Variants in PLD5 observed in about 807,000 individuals in gnomAD.
PLD5 encodes phospholipase D family member 5, also known as inactive phospholipase D5.
In PLD5, 36 loss-of-function variants were observed where a neutral mutation model predicts 61.1. The ratio of observed to expected loss-of-function variants is 0.59; its 90% CI spans 0.45 to 0.78. The LOEUF (loss-of-function observed/expected upper bound fraction) is 0.78, where lower values mean the gene tolerates loss of function less well. Among genes scored for constraint, PLD5 ranks in the 30% least tolerant of loss-of-function variants. The pLI is 0.00. For synonymous variants in PLD5, 243 were observed against 242.8 expected (o/e 1.00, Z -0.01); for missense variants, 515 against 644.4 (o/e 0.80, Z 2.17).
chr1:242,411,241 G>GTT (rs549437085), intron 1 of PLD5, among the ~76,000 whole-genome samples: 1 of 151,952 alleles, frequency 6.6e-6, no homozygotes, highest in Non-Finnish European at 1.5e-5. Flanking sequence ...TTTTTGTTTT[G>GTT]TTTTGTTTTT....
intron 2 of PLD5, among the ~76,000 whole-genome samples, chr1:242,315,530 C>T (rs1455252463): frequency 1.3e-5 from 2 of 152,280 alleles, no homozygotes; most frequent in Non-Finnish European, 1.5e-5. Flanking sequence ...TCAACATCCT[C>T]GGCAGCTCTA....
chr1:242,410,718 G>C (rs561710058), intron 1 of PLD5, among the ~76,000 whole-genome samples: 72 of 152,134 alleles, frequency 4.7e-4, no homozygotes, highest in Non-Finnish European at 7.9e-4. Context: ...TGAGCATGTG[G>C]GAGTTATTTA....
chr1:242,194,617 T>TCTATCTATCTATCTAATCTATCTATCTAC lies in PLD5; in HGVS notation c.735+25370_735+25371insGTAGATAGATAGATTAGATAGATAGATAG, dbSNP rs1668504526. 6.0e-5 allele frequency among the ~76,000 whole-genome samples: 4 copies of TCTATCTATCTATCTAATCTATCTATCTAC among 66,184 alleles called. No homozygotes were observed. The South Asian group carries it at 2.3e-3, about 39-fold the overall frequency. 43.4% of individuals were successfully genotyped at this position (66,184 alleles called of 152,430 possible). On this transcript the variant is annotated intron_variant, in intron 5 of 9. Coordinates refer to ENST00000536534, the MANE Select transcript of PLD5 (RefSeq NM_001372062.1). ...ATCTATCTATCTATGTATCTATCTA[T>TCTATCTATCTATCTAATCTATCTATCTAC]GTATCTATCTATCTATCTATCTATC...
At chr1:242,398,136 G>A (rs974527844) in intron 1 of PLD5, among the ~76,000 whole-genome samples, 4 of 152,168 alleles carry the variant, frequency 2.6e-5, no homozygotes, top group Non-Finnish European at 4.4e-5. Flanking sequence ...CAAATAAGAT[G>A]TGAGGGGAGG....
Position 242,085,700 on chromosome 1 carries a change from C to T in PLD5, c.*4154G>A, listed in dbSNP as rs981684503. The T allele has an allele frequency of 1.3e-5, 2 of 152,098 alleles. No individual in the cohort carries two copies. The highest frequency in any genetic ancestry group is 6.6e-5 in the Admixed American group (1 of 15,264). The allele number at this position is 152,098 out of a possible 1,614,324, so 9.4% of individuals were successfully genotyped here. On this transcript the variant is annotated 3_prime_UTR_variant, in exon 10 of 10. Coordinates refer to ENST00000536534, the MANE Select transcript of PLD5 (RefSeq NM_001372062.1). Reference sequence around the variant, plus strand: ...AAAGATAAAAGAATGAAACATTTGTCCACAATATATGGGGCTGTTCGTAAG... The same window carrying T: ...AAAGATAAAAGAATGAAACATTTGTTCACAATATATGGGGCTGTTCGTAAG...
intron 2 of PLD5, among the ~76,000 whole-genome samples, chr1:242,343,871 T>C (rs369424207): frequency 6.6e-6 from 1 of 151,454 alleles, no homozygotes; most frequent in East Asian, 2.0e-4. Flanking sequence ...GGGAGGAAAA[T>C]TAAGACAGAA....
intron 1 of PLD5, among the ~76,000 whole-genome samples, chr1:242,369,931 G>A (rs1270348697): frequency 6.6e-6 from 1 of 152,172 alleles, no homozygotes; most frequent in Non-Finnish European, 1.5e-5. Flanking sequence ...ACTAGAGAAT[G>A]ACAGAACTGC....
In PLD5 at chr1:242,088,185, C is replaced by G. The variant is rs979680326; in HGVS notation, c.*1669G>C. 6 of 152,160 alleles carry G rather than the reference C, an allele frequency of 3.9e-5. No individual in the cohort carries two copies. The highest frequency in any genetic ancestry group is 7.3e-5 in the Non-Finnish European group (5 of 68,042). 9.4% of individuals were successfully genotyped at this position (152,160 alleles called of 1,614,324 possible). On this transcript the variant is annotated 3_prime_UTR_variant, in exon 10 of 10. Coordinates refer to ENST00000536534, the MANE Select transcript of PLD5 (RefSeq NM_001372062.1). ...TCTGAAAATACATGTATATTATGGT[C>G]CTGAAGAACCAGCTCTAGCACGACG...
intron 1 of PLD5, among the ~76,000 whole-genome samples, chr1:242,422,698 G>A (rs907382438): frequency 2.6e-5 from 4 of 152,156 alleles, no homozygotes; most frequent in Admixed American, 2.0e-4. Context: ...TCTTTGGGGC[G>A]CAATGTTAGC....
At chr1:242,505,196 A>C (rs529773825) in intron 1 of PLD5, among the ~76,000 whole-genome samples, 15 of 152,312 alleles carry the variant, frequency 9.8e-5, no homozygotes, top group Non-Finnish European at 1.9e-4. Flanking sequence ...CATTAACAAT[A>C]ATATGAAATT....
chr1:242,455,336 C>T (rs1426018734), intron 1 of PLD5, among the ~76,000 whole-genome samples: 3 of 152,046 alleles, frequency 2.0e-5, no homozygotes, highest in Non-Finnish European at 4.4e-5. Flanking sequence ...TGATTTATAC[C>T]TGAATTAAAA....
intron 2 of PLD5, among the ~76,000 whole-genome samples, chr1:242,312,012 T>A (rs1676724452): frequency 6.6e-6 from 1 of 151,994 alleles, no homozygotes; most frequent in Non-Finnish European, 1.5e-5. Flanking sequence ...TCTGGTGAAT[T>A]TTTGAAATCA....
At chr1:242,304,838 T>C (rs1416476114) in intron 2 of PLD5, among the ~76,000 whole-genome samples, 4 of 152,194 alleles carry the variant, frequency 2.6e-5, no homozygotes. Context: ...GATTGGTGGC[T>C]CATACCTGTT....
chr1:242,153,608 G>A (rs1665113486), intron 5 of PLD5, among the ~76,000 whole-genome samples: 1 of 152,078 alleles, frequency 6.6e-6, no homozygotes, highest in Admixed American at 6.5e-5. Context: ...ATTAAATAGG[G>A]AATCCTTTCC....
At chr1:242,180,687 T>C (rs1245782538) in intron 5 of PLD5, among the ~76,000 whole-genome samples, 1 of 152,110 alleles carries the variant, frequency 6.6e-6, no homozygotes, top group East Asian at 1.9e-4. Flanking sequence ...AACTCAAGGA[T>C]TTGCCAGGTG....
intron 1 of PLD5, chr1:242,365,204 T>C (rs1661275547): frequency 6.6e-6 from 1 of 152,254 alleles, no homozygotes; most frequent in South Asian, 2.1e-4. Flanking sequence ...CAGTAAAGTC[T>C]CTCAGGACAC....
chr1:242,409,940 G>A (rs1306211971), intron 1 of PLD5, among the ~76,000 whole-genome samples: 5 of 152,150 alleles, frequency 3.3e-5, no homozygotes, highest in South Asian at 4.1e-4. Context: ...AAAGGTTGCC[G>A]GCCGGCTAGA....
chr1:242,510,897 A>G (rs1374078378), intron 1 of PLD5, among the ~76,000 whole-genome samples: 2 of 152,190 alleles, frequency 1.3e-5, no homozygotes, highest in Non-Finnish European at 2.9e-5. Flanking sequence ...AAACATCTGT[A>G]TTGAGATTTT....
chr1:242,166,520 C>A (rs1467430532), intron 5 of PLD5, among the ~76,000 whole-genome samples: 2 of 152,216 alleles, frequency 1.3e-5, no homozygotes, highest in Non-Finnish European at 2.9e-5. Flanking sequence ...TACCTCCAGG[C>A]TTTTCTCTTT....
Sources: allele counts gnomAD v4.1 joint callset (sites outside exome capture counted in the v4.1 genomes callset), GRCh38; gene constraint gnomAD v4.1.1; transcripts MANE v1.5; gene names NCBI Gene and HGNC (gene_info 2026-07-23, HGNC 2026-07-21).